The following CFAP57 variants were observed in gnomAD, a reference collection of about 807,000 sequenced individuals.
CFAP57 encodes the protein cilia and flagella associated protein 57.
CFAP57 carries 116 observed loss-of-function variants against 146.8 expected under a neutral mutation model. That is an observed-to-expected ratio of 0.79 (90% CI 0.68 to 0.92). The LOEUF (loss-of-function observed/expected upper bound fraction) is 0.92. Ranked by LOEUF, CFAP57 falls within the 40% of genes least tolerant of loss-of-function variation. CFAP57 has a pLI of 0.00. For missense variants in CFAP57, 1,377 were observed against 1,527.2 expected (o/e 0.90, Z 1.64); for synonymous variants, 518 against 552.8 (o/e 0.94, Z 0.88).
intron 3 of CFAP57, among the ~76,000 whole-genome samples, chr1:43,183,351 A>C (rs1477192417): frequency 2.0e-5 from 3 of 152,080 alleles, no homozygotes. Flanking sequence ...AAAGCTGTTC[A>C]TTCTGCTCTT....
Position 43,219,541 on chromosome 1 carries a change from T to C in CFAP57, c.2247+4T>C, listed in dbSNP as rs1644965116. 6.5e-7 allele frequency: 1 copy of C among 1,550,338 alleles called. No homozygotes were observed. ...GTCCTTGAAAACAAAAAACCAGGTC[T>C]GTTTAAGAGACTGACCAACAAGCAC... On this transcript the variant is annotated splice_donor_region_variant and intron_variant, in intron 13 of 22. Coordinates refer to ENST00000372492, the MANE Select transcript of CFAP57 (RefSeq NM_001378189.1).
Position 43,183,754 on chromosome 1 carries a change from T to C in CFAP57, c.638T>C (p.Val213Ala), listed in dbSNP as rs1400853623. Residue 213 changes from valine (V) to alanine (A), a missense_variant, in exon 4 of 23, where the codon GTT becomes GCT. Physicochemically the swap from Val to Ala is moderately conservative, Grantham distance 64. Transcript: ENST00000372492. ...HTWVADDKIVVGTDTGKLFLF... is the reference protein window; with the variant it reads ...HTWVADDKIVAGTDTGKLFLF... ...TGGGTGGCTGATGACAAGATTGTCG[T>C]TGGCACTGACACAGGCAAACTCTTC... is the stretch of plus-strand genomic sequence containing the variant. 2 of 1,614,052 alleles carry C rather than the reference T, an allele frequency of 1.2e-6. No individual in the cohort carries two copies. The highest frequency in any genetic ancestry group is 1.3e-5 in the African/African-American group (1 of 74,906).
At chr1:43,206,679 G>T in intron 9 of CFAP57, 41 bp from the exon 10 acceptor site, 2 of 1,607,964 alleles carry the variant, frequency 1.2e-6, no homozygotes, top group South Asian at 2.2e-5. Context: ...GGGTGTAAGT[G>T]TGTGTACACT....
At chr1:43,233,838 T>C (rs1054903355) in intron 19 of CFAP57, among the ~76,000 whole-genome samples, 1 of 152,040 alleles carries the variant, frequency 6.6e-6, no homozygotes, top group African/African-American at 2.4e-5. Context: ...TCGGGAAGGG[T>C]AAGCACTGGA....
intron 22 of CFAP57, among the ~76,000 whole-genome samples, chr1:43,248,623 A>C (rs960977118): frequency 2.6e-5 from 4 of 151,982 alleles, no homozygotes; most frequent in African/African-American, 9.7e-5. Context: ...CCCGGCCATA[A>C]AAAAATTTTC....
At chr1:43,251,646 A>C (rs1646329199) in intron 22 of CFAP57, among the ~76,000 whole-genome samples, 1 of 152,252 alleles carries the variant, frequency 6.6e-6, no homozygotes, top group Non-Finnish European at 1.5e-5. Flanking sequence ...AGGAAACACA[A>C]ATTATTGTAT....
intron 19 of CFAP57, 80 bp from the exon 20 acceptor site, chr1:43,234,199 G>C (rs1645590960): frequency 2.2e-6 from 3 of 1,395,022 alleles, no homozygotes; most frequent in African/African-American, 1.5e-5. Flanking sequence ...CCCTTTCTGT[G>C]CCATTAACCT....
intron 22 of CFAP57, among the ~76,000 whole-genome samples, chr1:43,248,999 A>G (rs565748110): frequency 5.3e-5 from 8 of 151,120 alleles, no homozygotes; most frequent in African/African-American, 1.7e-4. Flanking sequence ...CTCCTGCCTC[A>G]GCCTCCCGAG....
At chr1:43,195,824 C>T (rs1390715269) in intron 6 of CFAP57, among the ~76,000 whole-genome samples, 1 of 152,018 alleles carries the variant, frequency 6.6e-6, no homozygotes, top group African/African-American at 2.4e-5. Flanking sequence ...ACATGAAATC[C>T]TTTTGTTGGT....
At chr1:43,204,871 C>T (rs1270191470) in intron 9 of CFAP57, among the ~76,000 whole-genome samples, 1 of 152,088 alleles carries the variant, frequency 6.6e-6, no homozygotes, top group African/African-American at 2.4e-5. Context: ...CAGAGTCTTC[C>T]AGGCTGCGAG....
intron 18 of CFAP57, among the ~76,000 whole-genome samples, chr1:43,227,462 C>A (rs1645292095): frequency 1.3e-5 from 2 of 152,190 alleles, no homozygotes; most frequent in African/African-American, 2.4e-5. Context: ...GTGTACTCAG[C>A]CAACAGGCTA....
At chr1:43,190,265 CTTTTTT>C (rs71036614) in intron 6 of CFAP57, among the ~76,000 whole-genome samples, 1 of 71,414 alleles carries the variant, frequency 1.4e-5, no homozygotes, top group Non-Finnish European at 2.6e-5. Flanking sequence ...CATCCAGTCT[CTTTTTT>C]TTTTTTTTTT....
intron 14 of CFAP57, among the ~76,000 whole-genome samples, 165 bp from the exon 15 acceptor site, chr1:43,221,940 A>C (rs908927746): frequency 1.3e-5 from 2 of 152,112 alleles, no homozygotes; most frequent in Non-Finnish European, 2.9e-5. Flanking sequence ...AGATGATGGG[A>C]TGAGGGGTTG....
chr1:43,219,614 C>A, intron 13 of CFAP57, 77 bp downstream of exon 13: 2 of 1,466,998 alleles, frequency 1.4e-6, no homozygotes, highest in Non-Finnish European at 1.9e-6. Context: ...CATATACTGC[C>A]CAAGCTATGC....
At chr1:43,240,144 A>T (rs1645854841) in intron 21 of CFAP57, among the ~76,000 whole-genome samples, 1 of 152,146 alleles carries the variant, frequency 6.6e-6, no homozygotes, top group Non-Finnish European at 1.5e-5. Context: ...TTGGAACTGT[A>T]ATGTTCCCCA....
intron 14 of CFAP57, among the ~76,000 whole-genome samples, chr1:43,221,838 C>A (rs1006940085): frequency 4.6e-5 from 7 of 152,152 alleles, no homozygotes; most frequent in Non-Finnish European, 7.3e-5. Context: ...TCAGGATATT[C>A]TTCTTGGCCC....
At chr1:43,230,549 C>A (rs528605125) in intron 18 of CFAP57, among the ~76,000 whole-genome samples, 1 of 152,174 alleles carries the variant, frequency 6.6e-6, no homozygotes, top group Admixed American at 6.5e-5. Flanking sequence ...CCCTCTCCCC[C>A]CTCTTCAAAT....
chr1:43,180,703 A>T (rs1645368676), intron 2 of CFAP57, among the ~76,000 whole-genome samples: 1 of 152,094 alleles, frequency 6.6e-6, no homozygotes, highest in African/African-American at 2.4e-5. Flanking sequence ...TTTGGACTTC[A>T]CCTGGGAGGC....
In CFAP57 at chr1:43,172,421, T is replaced by C; in HGVS notation, c.-52T>C. 2 of 1,550,982 alleles carry C rather than the reference T, an allele frequency of 1.3e-6. No individual in the cohort carries two copies. The highest frequency in any genetic ancestry group is 1.7e-6 in the Non-Finnish European group (2 of 1,146,820). On this transcript the variant is annotated 5_prime_UTR_variant, in exon 1 of 23. An upstream start codon of the reference 5' UTR is lost. Coordinates refer to ENST00000372492, the MANE Select transcript of CFAP57 (RefSeq NM_001378189.1). ...CCTACAGGTAGCGCCTCTGGATACA[T>C]GCGTGGTCTGCTGACCCAGAGAGAA...
Sources: gnomAD v4.1 joint callset for allele counts (sites outside exome capture counted in the v4.1 genomes callset) on GRCh38, gnomAD v4.1.1 for gene constraint, MANE v1.5 for transcripts, NCBI Gene and HGNC (gene_info 2026-07-23, HGNC 2026-07-21) for gene names.